The following GPC6 variants were observed in gnomAD, a reference collection of about 807,000 sequenced individuals.
GPC6 encodes the protein glypican 6.
Under a neutral mutation model 55.2 loss-of-function variants are expected in GPC6, and 14 were observed. The ratio of observed to expected loss-of-function variants is 0.25; its 90% CI spans 0.17 to 0.40. GPC6 has a LOEUF of 0.40. Ranked by LOEUF, GPC6 falls within the 10% of genes least tolerant of loss-of-function variation. The pLI is 1.00. For synonymous variants in GPC6, 278 were observed against 259.6 expected, an observed-to-expected ratio of 1.07 and a Z score of -0.68; for missense variants, 641 against 708.5, an observed-to-expected ratio of 0.90 and a Z score of 1.08.
intron 3 of GPC6, among the ~76,000 whole-genome samples, chr13:93,846,651 A>G (rs1888191553): frequency 6.6e-6 from 1 of 152,156 alleles, no homozygotes; most frequent in African/African-American, 2.4e-5. Flanking sequence ...GTCTCTACTT[A>G]AAGTACAAAA....
At chr13:93,488,152 A>T (rs1403479387) in intron 1 of GPC6, among the ~76,000 whole-genome samples, 1 of 151,762 alleles carries the variant, frequency 6.6e-6, no homozygotes, top group Admixed American at 6.6e-5. Context: ...CCGGTGTGTG[A>T]TGTTCCCCTT....
At chr13:93,789,509 CTA>C (rs201331720) in intron 2 of GPC6, among the ~76,000 whole-genome samples, 28,553 of 92,830 alleles carry the variant, frequency 0.31, 4,401 homozygotes, top group Middle Eastern at 0.43. Flanking sequence ...CTCTCTCTCT[CTA>C]TATATATATA....
At chr13:93,421,913 G>A (rs567884808) in intron 1 of GPC6, among the ~76,000 whole-genome samples, 1 of 152,236 alleles carries the variant, frequency 6.6e-6, no homozygotes, top group African/African-American at 2.4e-5. Context: ...GATTCCCTCA[G>A]CCTAACTGAT....
intron 2 of GPC6, among the ~76,000 whole-genome samples, chr13:93,732,973 C>T (rs1407342233): frequency 6.6e-6 from 1 of 151,946 alleles, no homozygotes; most frequent in East Asian, 1.9e-4. Flanking sequence ...TTTACATTTA[C>T]AAGACATCTC....
At chr13:94,030,004 C>CTTT (rs55808503) in intron 4 of GPC6, among the ~76,000 whole-genome samples, 2 of 139,510 alleles carry the variant, frequency 1.4e-5, no homozygotes, top group African/African-American at 2.6e-5. Flanking sequence ...TTCTTCCCGT[C>CTTT]TTTTTTTTTT....
At chr13:93,408,204 G>A (rs894226370) in intron 1 of GPC6, among the ~76,000 whole-genome samples, 1 of 152,178 alleles carries the variant, frequency 6.6e-6, no homozygotes. Flanking sequence ...GGAAGAGTGA[G>A]TGGTTGAGAG....
At chr13:93,961,876 T>C (rs1566624151) in intron 3 of GPC6, among the ~76,000 whole-genome samples, 2 of 152,202 alleles carry the variant, frequency 1.3e-5, no homozygotes, top group Admixed American at 6.5e-5. Flanking sequence ...ATTTGTTCAG[T>C]TAGCCATTTC....
At chr13:93,420,807 A>G (rs1876894064) in intron 1 of GPC6, among the ~76,000 whole-genome samples, 1 of 152,118 alleles carries the variant, frequency 6.6e-6, no homozygotes, top group African/African-American at 2.4e-5. Flanking sequence ...TGGGGATACC[A>G]TGGTTATTAA....
chr13:93,962,712 T>C (rs541388827), intron 3 of GPC6, among the ~76,000 whole-genome samples: 17 of 152,314 alleles, frequency 1.1e-4, no homozygotes, highest in African/African-American at 4.1e-4. Flanking sequence ...ACAGATGCTG[T>C]TTCTGTCACC....
intron 1 of GPC6, among the ~76,000 whole-genome samples, chr13:93,483,359 G>A (rs905066236): frequency 2.6e-5 from 4 of 151,970 alleles, no homozygotes; most frequent in African/African-American, 7.2e-5. Context: ...TAATCATGTA[G>A]CAGAGATGCT....
rs541039883 is a variant in GPC6, at chr13:93,955,437, A to G, written c.712-72292A>G. On this transcript the variant is annotated intron_variant, in intron 3 of 8. Transcript: ENST00000377047. ...AATATTCATTATTATGCAGATTGATATCAATCACACATGCTCATTAACAAA... is the reference window on the plus strand; with the variant it reads ...AATATTCATTATTATGCAGATTGATGTCAATCACACATGCTCATTAACAAA... Among the ~76,000 whole-genome samples, 386 of 152,292 alleles carry G rather than the reference A, an allele frequency of 2.5e-3. 3 individuals are homozygous for G. Among genetic ancestry groups the G allele is most frequent in the African/African-American group, 8.8e-3 (364 of 41,554 alleles).
chr13:93,874,490 A>C (rs1326993598), intron 3 of GPC6, among the ~76,000 whole-genome samples: 2 of 151,336 alleles, frequency 1.3e-5, no homozygotes, highest in African/African-American at 4.9e-5. Context: ...TGCTACTGTG[A>C]ATAGTGTAGC....
intron 3 of GPC6, among the ~76,000 whole-genome samples, chr13:94,003,918 T>C (rs1362819781): frequency 6.6e-6 from 1 of 152,198 alleles, no homozygotes; most frequent in Non-Finnish European, 1.5e-5. Context: ...TGAGAACCAA[T>C]TGATTTCCCT....
At chr13:94,279,220 G>T (rs1479261488) in intron 4 of GPC6, among the ~76,000 whole-genome samples, 2 of 152,082 alleles carry the variant, frequency 1.3e-5, no homozygotes, top group Non-Finnish European at 1.5e-5. Context: ...TAATTTATTT[G>T]CATAGAGGTG....
At chr13:94,080,888 A>G (rs1349761960) in intron 4 of GPC6, among the ~76,000 whole-genome samples, 1 of 152,216 alleles carries the variant, frequency 6.6e-6, no homozygotes, top group Non-Finnish European at 1.5e-5. Context: ...GATACAAATC[A>G]GTTCATACCA....
chr13:93,486,182 G>A (rs1879706354), intron 1 of GPC6, among the ~76,000 whole-genome samples: 1 of 152,160 alleles, frequency 6.6e-6, no homozygotes, highest in Non-Finnish European at 1.5e-5. Context: ...TGTCAATAAT[G>A]TGGTGTTGGT....
chr13:93,441,259 G>A (rs1216792044), intron 1 of GPC6, among the ~76,000 whole-genome samples: 2 of 152,154 alleles, frequency 1.3e-5, no homozygotes, highest in Admixed American at 1.3e-4. Context: ...AGATCCTTGA[G>A]GAACCACCAC....
chr13:94,271,195 G>A (rs1456797151), intron 4 of GPC6, among the ~76,000 whole-genome samples: 1 of 151,224 alleles, frequency 6.6e-6, no homozygotes, highest in African/African-American at 2.4e-5. Context: ...GTTTCACCGT[G>A]TTAGCCAGGA....
intron 6 of GPC6, among the ~76,000 whole-genome samples, chr13:94,361,205 C>T (rs961113304): frequency 3.3e-5 from 5 of 152,120 alleles, no homozygotes; most frequent in Non-Finnish European, 5.9e-5. Flanking sequence ...TTTTTATCAA[C>T]ACCTGTCTCA....
Sources: gnomAD v4.1 joint callset for allele counts (sites outside exome capture counted in the v4.1 genomes callset) on GRCh38, gnomAD v4.1.1 for gene constraint, MANE v1.5 for transcripts, NCBI Gene and HGNC (gene_info 2026-07-23, HGNC 2026-07-21) for gene names.